TMEM134: variants seen among roughly 807,000 people sequenced by gnomAD.
TMEM134 encodes the protein transmembrane protein 134.
A neutral mutation model predicts 26.2 loss-of-function variants in TMEM134; 36 were observed. That is an observed-to-expected ratio of 1.37 (90% CI 1.05 to 1.81). The LOEUF (loss-of-function observed/expected upper bound fraction) is 1.81, where lower values mean the gene tolerates loss of function less well. Among genes scored for constraint, TMEM134 ranks in the 40% most tolerant of loss-of-function variants. The pLI is 0.00. For synonymous variants in TMEM134, 133 were observed against 113.6 expected, an observed-to-expected ratio of 1.17 and a Z score of -1.08; for missense variants, 339 against 263.5, an observed-to-expected ratio of 1.29 and a Z score of -1.98.
rs911509414 is a variant in TMEM134 at position 67,462,867 on chromosome 11, A to AT, written c.*1746dup. On this transcript the variant is annotated 3_prime_UTR_variant, in exon 7 of 7. Coordinates refer to ENST00000308022, the MANE Select transcript of TMEM134 (RefSeq NM_025124.4). ...CCACCATGCCTGGCTAAGTTTTTGT[A>AT]TTTTTTGTAGAGATGGGGTTTTCCC... The AT allele has an allele frequency of 6.6e-6, 1 of 150,884 alleles. No homozygotes were observed. Among genetic ancestry groups the AT allele is most frequent in the South Asian group, 2.1e-4 (1 of 4,784 alleles). The allele number at this position is 150,884 out of a possible 1,614,324, so 9.3% of individuals were successfully genotyped here.
chr11:67,462,263 ATTTTTCC>A lies in TMEM134; in HGVS notation c.*2344_*2350del, dbSNP rs1463175354. On this transcript the variant is annotated 3_prime_UTR_variant, in exon 7 of 7. Coordinates refer to ENST00000308022, the MANE Select transcript of TMEM134 (RefSeq NM_025124.4). ...TTGTTCATATTCAATGGTTTTTGTC[ATTTTTCC>A]TTTTTCCTATGTTTGTTCTGATTAT... 2.0e-5 allele frequency: 3 copies of A among 148,802 alleles called. No homozygotes were observed. Among genetic ancestry groups the A allele is most frequent in the Non-Finnish European group, 4.5e-5 (3 of 67,404 alleles). 9.2% of individuals were successfully genotyped at this position (148,802 alleles called of 1,614,324 possible).
rs1253178557 is a variant in TMEM134 at position 67,469,125 on chromosome 11, G to A, written c.68C>T (p.Pro23Leu). ...AFELSLEDGG[P>L]GPESSGVARF... is the part of the protein sequence containing the mutation. The stretch of plus-strand genomic sequence containing the variant: ...CGCGACCCCGCTGGACTCGGGCCCA[G>A]GGCCCCCGTCCTCCAGGGACAGCTC... Residue 23 changes from proline (P) to leucine (L), a missense_variant, in exon 1 of 7, where the codon CCT becomes CTT. Transcript: ENST00000308022. 5.3e-6 allele frequency: 8 copies of A among 1,501,250 alleles called. No homozygotes were observed. In the Admixed American group the frequency reaches 8.6e-5, roughly 16 times the overall value. 93.0% of individuals were successfully genotyped at this position (1,501,250 alleles called of 1,614,324 possible).
Position 67,461,925 on chromosome 11 carries a change from G to A in TMEM134, c.*2689C>T, listed in dbSNP as rs1014515018. On this transcript the variant is annotated 3_prime_UTR_variant, in exon 7 of 7. Coordinates refer to ENST00000308022, the MANE Select transcript of TMEM134 (RefSeq NM_025124.4). ...ATCACCACTTCTGAAATTGCTTTCTGTTAAGACTGTAGAATGAAGTCGGGC... is the reference window on the plus strand; with the variant it reads ...ATCACCACTTCTGAAATTGCTTTCTATTAAGACTGTAGAATGAAGTCGGGC... The A allele has an allele frequency of 3.3e-5, 5 of 152,140 alleles. No individual in the cohort carries two copies. The highest frequency in any genetic ancestry group is 7.3e-5 in the Non-Finnish European group (5 of 68,038). 9.4% of individuals were successfully genotyped at this position (152,140 alleles called of 1,614,324 possible).
rs1264384347 is a variant in TMEM134 at position 67,462,105 on chromosome 11, GGATGCAGTGAGCCGA to G, written c.*2494_*2508del. ...AGAATCGCTTAAACCGGGAGGCAGA[GGATGCAGTGAGCCGA>G]GATCGGGCCACTGCACTCCAGCCTG... is the stretch of plus-strand genomic sequence containing the variant. On this transcript the variant is annotated 3_prime_UTR_variant, in exon 7 of 7. Transcript: ENST00000308022. 1 of 150,280 alleles carries G rather than the reference GGATGCAGTGAGCCGA, an allele frequency of 6.7e-6. No homozygotes were observed. Among genetic ancestry groups the G allele is most frequent in the Non-Finnish European group, 1.5e-5 (1 of 67,640 alleles). The allele number at this position is 150,280 out of a possible 1,614,324, so 9.3% of individuals were successfully genotyped here.
At chr11:67,468,990 C>T in intron 1 of TMEM134, 29 bp downstream of exon 1, 3 of 1,454,938 alleles carry the variant, frequency 2.1e-6, no homozygotes, top group Non-Finnish European at 2.7e-6. Flanking sequence ...CGGCCGGGGG[C>T]AGGGGGTTAG....
intron 4 of TMEM134, chr11:67,466,874 G>A (rs1014726139): frequency 9.2e-5 from 18 of 194,782 alleles, no homozygotes; most frequent in Admixed American, 7.9e-4. Context: ...CAGGTGCCCT[G>A]CGGCTCTGCA....
chr11:67,466,823 G>A (rs1211354148), intron 4 of TMEM134: 1 of 176,216 alleles, frequency 5.7e-6, no homozygotes, highest in Admixed American at 5.3e-5. Context: ...GGTAGGAGAG[G>A]GGTGCTTGTC....
chr11:67,467,361 C>G lies in TMEM134; in HGVS notation c.357G>C (p.Lys119Asn). ...AGGAGGCCAGCACCACTCGGCGGTTCTTCTGGATCAAAGGGTGTTGGGTCC... is the reference window on the plus strand; with the variant it reads ...AGGAGGCCAGCACCACTCGGCGGTTGTTCTGGATCAAAGGGTGTTGGGTCC... ...CSWTQHPLIQ[K>N]NRRVVLASFL... is the part of the protein sequence containing the mutation. Residue 119 changes from lysine to asparagine, a missense_variant, in exon 4 of 7, where the codon AAG becomes AAC. Lys to Asn is a moderately conservative substitution (Grantham distance 94, BLOSUM62 0). Coordinates refer to ENST00000308022, the MANE Select transcript of TMEM134 (RefSeq NM_025124.4). The G allele has an allele frequency of 1.2e-6, 2 of 1,613,906 alleles. No homozygotes were observed. Among genetic ancestry groups the G allele is most frequent in the Non-Finnish European group, 8.5e-7 (1 of 1,179,916 alleles).
Position 67,464,671 on chromosome 11 carries a change from G to C in TMEM134, c.531C>G (p.Cys177Trp), listed in dbSNP as rs1019686027. The C allele has an allele frequency of 5.8e-6, 9 of 1,553,810 alleles. No homozygotes were observed. The Admixed American group carries it at 1.2e-4, about 20-fold the overall frequency. The change falls in exon 7 of 7, where the codon TGC becomes TGG. Residue 177 changes from cysteine to tryptophan, a missense_variant. Cys to Trp is a radical substitution (Grantham distance 215). Coordinates refer to ENST00000308022, the MANE Select transcript of TMEM134 (RefSeq NM_025124.4). ...GGAAGCCCCGGTGGCCCTTGACCGC[G>C]CAGTAGATGAAGATCACGTGATAGA... is the stretch of plus-strand genomic sequence containing the variant. ...PGVYHVIFIYCAVKGHRGFQF... is the reference protein window; with the variant it reads ...PGVYHVIFIYWAVKGHRGFQF...
rs867968564 is a variant in TMEM134 at position 67,462,689 on chromosome 11, A to C, written c.*1925T>G. On this transcript the variant is annotated 3_prime_UTR_variant, in exon 7 of 7. Transcript: ENST00000308022. ...TTTATTTCATTTTTCTAGTTTTTAA[A>C]ATTTTTATGTTATTTATTTATTTAT... 2.0e-5 allele frequency: 3 copies of C among 150,664 alleles called. No homozygotes were observed. The highest frequency in any genetic ancestry group is 2.1e-4 in the South Asian group (1 of 4,780). 9.3% of individuals were successfully genotyped at this position (150,664 alleles called of 1,614,324 possible).
chr11:67,467,835 G>GT, intron 2 of TMEM134, 193 bp downstream of exon 2: 2 of 663,004 alleles, frequency 3.0e-6, no homozygotes, highest in Non-Finnish European at 5.2e-6. Flanking sequence ...TCTGAAAGAG[G>GT]TGAGTACAGC....
chr11:67,468,899 G>C, intron 1 of TMEM134, 120 bp downstream of exon 1: 1 of 1,000,798 alleles, frequency 1.0e-6, no homozygotes, highest in Non-Finnish European at 1.3e-6. Flanking sequence ...GGGCGGGGGG[G>C]CGGTCTCGCG....
intron 2 of TMEM134, 153 bp from the exon 3 acceptor site, chr11:67,467,743 A>G: frequency 1.3e-6 from 1 of 747,512 alleles, no homozygotes; most frequent in Non-Finnish European, 2.2e-6. Context: ...GTGAGCATGA[A>G]TTCAGGGGCT....
At chr11:67,468,116 G>T in intron 1 of TMEM134, 24 bp from the exon 2 acceptor site, 1 of 1,552,192 alleles carries the variant, frequency 6.4e-7, no homozygotes, top group South Asian at 1.2e-5. Flanking sequence ...CAGGTCTCAG[G>T]GGGGTTGCTG....
rs111720396 is a variant in TMEM134 at position 67,468,067 on chromosome 11, G to A, written c.200C>T (p.Ala67Val). Residue 67 changes from alanine (A) to valine (V), a missense_variant, in exon 2 of 7, where the codon GCC becomes GTC. Ala to Val is a moderately conservative substitution (Grantham distance 64). Transcript: ENST00000308022. ...CCCATCCGGCTCCGGAGAGGCCTGG[G>A]CTCCATCCTCATCGTTCTCCAGGTT... ...YQNLENDEDG[A>V]QASPEPDGGV... is the part of the protein sequence containing the mutation. The A allele has an allele frequency of 9.8e-4, 1,538 of 1,564,200 alleles. 10 individuals carry two copies. Among genetic ancestry groups the A allele is most frequent in the Middle Eastern group, 2.7e-3 (16 of 6,000 alleles).
intron 4 of TMEM134, among the ~76,000 whole-genome samples, chr11:67,465,590 G>T (rs1292598823): frequency 6.6e-6 from 1 of 151,942 alleles, no homozygotes; most frequent in Admixed American, 6.6e-5. Context: ...CTGGGGGACT[G>T]GGGGGCCACC....
intron 4 of TMEM134, 61 bp from the exon 5 acceptor site, chr11:67,465,161 A>G (rs1396444726): frequency 3.9e-6 from 6 of 1,531,778 alleles, no homozygotes; most frequent in African/African-American, 1.4e-5. Context: ...GGGGGCTCCC[A>G]CCCCCAGCCC....
intron 2 of TMEM134, 43 bp downstream of exon 2, chr11:67,467,985 G>A: frequency 6.5e-7 from 1 of 1,537,162 alleles, no homozygotes; most frequent in Non-Finnish European, 8.8e-7. Context: ...GGGGATAGGA[G>A]CTGGGGCTGG....
At chr11:67,465,219 C>T in intron 4 of TMEM134, 119 bp from the exon 5 acceptor site, 2 of 1,529,350 alleles carry the variant, frequency 1.3e-6, no homozygotes, top group Non-Finnish European at 1.7e-6. Flanking sequence ...GAGACCCTCC[C>T]CAGGAAGCTC....
Sources: gnomAD v4.1 joint callset for allele counts (sites outside exome capture counted in the v4.1 genomes callset) on GRCh38, gnomAD v4.1.1 for gene constraint, MANE v1.5 for transcripts, NCBI Gene and HGNC (gene_info 2026-07-23, HGNC 2026-07-21) for gene names.